Variants in GRID2 observed in about 807,000 individuals in gnomAD.
The protein encoded by GRID2 is glutamate ionotropic receptor delta type subunit 2.
GRID2 carries 33 observed loss-of-function variants against 114.8 expected under a neutral mutation model. That is an observed-to-expected ratio of 0.29 (90% confidence interval 0.22 to 0.38). The LOEUF is 0.38. Ranked by LOEUF, GRID2 falls within the 10% of genes least tolerant of loss-of-function variation. The pLI is 1.00. For synonymous variants in GRID2, 505 were observed against 449.9 expected (o/e 1.12, Z -1.55); for missense variants, 1,184 against 1,257.7 (o/e 0.94, Z 0.89).
chr4:93,166,445 T>G (rs924650274), intron 4 of GRID2, among the ~76,000 whole-genome samples: 2 of 152,136 alleles, frequency 1.3e-5, no homozygotes, highest in African/African-American at 4.8e-5. Flanking sequence ...GAAAATGGAC[T>G]AAAAATATTT....
chr4:92,547,734 C>T (rs1560703793), intron 1 of GRID2, among the ~76,000 whole-genome samples: 1 of 151,682 alleles, frequency 6.6e-6, no homozygotes, highest in African/African-American at 2.4e-5. Context: ...CTTGCAGCTT[C>T]TTTTTGTTCT....
intron 2 of GRID2, among the ~76,000 whole-genome samples, chr4:92,598,741 A>T (rs561768326): frequency 5.3e-5 from 8 of 152,304 alleles, no homozygotes; most frequent in African/African-American, 1.9e-4. Context: ...ATTATATGGG[A>T]TTGTAAATAT....
At chr4:92,456,695 G>A (rs567569945) in intron 1 of GRID2, among the ~76,000 whole-genome samples, 1 of 152,196 alleles carries the variant, frequency 6.6e-6, no homozygotes, top group South Asian at 2.1e-4. Context: ...TATGCCTTAT[G>A]TTTGGAATAA....
intron 8 of GRID2, among the ~76,000 whole-genome samples, chr4:93,375,338 G>A (rs1027129433): frequency 1.1e-4 from 17 of 150,222 alleles, no homozygotes; most frequent in South Asian, 4.3e-4. Context: ...TCAGCCTCCC[G>A]AGTAGCTGGG....
intron 13 of GRID2, among the ~76,000 whole-genome samples, chr4:93,599,349 T>C (rs1739442055): frequency 6.6e-6 from 1 of 152,200 alleles, no homozygotes; most frequent in Non-Finnish European, 1.5e-5. Context: ...ACCTACAATT[T>C]AGAGTAAGAC....
chr4:93,028,858 G>A (rs1029805512), intron 2 of GRID2, among the ~76,000 whole-genome samples: 3 of 151,970 alleles, frequency 2.0e-5, no homozygotes, highest in Non-Finnish European at 4.4e-5. Context: ...TGTAAATGAT[G>A]TACTTTAAAA....
intron 14 of GRID2, among the ~76,000 whole-genome samples, chr4:93,708,515 G>A (rs1431051120): frequency 1.3e-5 from 2 of 151,888 alleles, no homozygotes; most frequent in African/African-American, 4.8e-5. Context: ...CCATCTGCAT[G>A]GAGTATATTT....
chr4:93,415,188 A>G (rs2149358187), intron 9 of GRID2, among the ~76,000 whole-genome samples: 1 of 152,226 alleles, frequency 6.6e-6, no homozygotes, highest in Admixed American at 6.5e-5. Flanking sequence ...GACTTCTCTC[A>G]TTTGGTACAG....
At chr4:93,646,522 A>T (rs1722129376) in intron 14 of GRID2, among the ~76,000 whole-genome samples, 1 of 152,176 alleles carries the variant, frequency 6.6e-6, no homozygotes, top group South Asian at 2.1e-4. Flanking sequence ...AACATAGTAA[A>T]GACTTAAGAG....
chr4:92,684,089 G>A (rs941157858), intron 2 of GRID2, among the ~76,000 whole-genome samples: 2 of 151,890 alleles, frequency 1.3e-5, no homozygotes, highest in African/African-American at 4.8e-5. Context: ...AAAATTTGAT[G>A]TACTAGCAAG....
At chr4:93,336,827 A>G (rs1759139709) in intron 8 of GRID2, among the ~76,000 whole-genome samples, 1 of 152,170 alleles carries the variant, frequency 6.6e-6, no homozygotes, top group Admixed American at 6.5e-5. Flanking sequence ...TTGATTTTTC[A>G]TATCAAAGTC....
intron 2 of GRID2, among the ~76,000 whole-genome samples, chr4:92,653,327 CTG>C (rs112109018): frequency 0.062 from 9,089 of 145,854 alleles, 338 homozygotes; most frequent in East Asian, 0.17. Flanking sequence ...ACACATGTGT[CTG>C]TGTGTGTGTG....
chr4:92,477,039 A>ATGTGTGTG (rs70940894), intron 1 of GRID2, among the ~76,000 whole-genome samples: 4 of 119,480 alleles, frequency 3.3e-5, no homozygotes, highest in East Asian at 2.8e-4. Flanking sequence ...ATTTAACTTC[A>ATGTGTGTG]TGTGTGTGTG....
At chr4:92,870,418 T>C (rs1361388086) in intron 2 of GRID2, among the ~76,000 whole-genome samples, 1 of 151,964 alleles carries the variant, frequency 6.6e-6, no homozygotes, top group Admixed American at 6.6e-5. Context: ...TTACAGTATT[T>C]AGGTGTTTCA....
At chr4:92,531,566 C>T (rs1340456161) in intron 1 of GRID2, among the ~76,000 whole-genome samples, 1 of 151,970 alleles carries the variant, frequency 6.6e-6, no homozygotes, top group Non-Finnish European at 1.5e-5. Flanking sequence ...CCCATGTGTA[C>T]ACAGAATAAG....
chr4:92,543,078 A>C (rs1178749600), intron 1 of GRID2, among the ~76,000 whole-genome samples: 1 of 152,146 alleles, frequency 6.6e-6, no homozygotes, highest in African/African-American at 2.4e-5. Flanking sequence ...AGTGCAAGGT[A>C]TTCTGTCAGA....
chr4:93,042,263 C>G (rs947878416), intron 2 of GRID2, among the ~76,000 whole-genome samples: 1 of 99,066 alleles, frequency 1.0e-5, no homozygotes, highest in Non-Finnish European at 1.9e-5. Flanking sequence ...CTCTCTCTCT[C>G]TCTCTCTCTC....
intron 2 of GRID2, among the ~76,000 whole-genome samples, chr4:93,006,224 AG>A: frequency 6.6e-6 from 1 of 152,232 alleles, no homozygotes; most frequent in East Asian, 1.9e-4. Context: ...AAATTACCTC[AG>A]CAAAGTATAT....
At chr4:93,259,827 T>G (rs1750053593) in intron 8 of GRID2, among the ~76,000 whole-genome samples, 1 of 151,786 alleles carries the variant, frequency 6.6e-6, no homozygotes, top group African/African-American at 2.4e-5. Context: ...TATCTGAAGA[T>G]GGCTATACTT....
Sources: allele counts gnomAD v4.1 joint callset (sites outside exome capture counted in the v4.1 genomes callset), GRCh38; gene constraint gnomAD v4.1.1; transcripts MANE v1.5; gene names NCBI Gene and HGNC (gene_info 2026-07-23, HGNC 2026-07-21).